NWD2: variants seen among roughly 807,000 people sequenced by gnomAD.
The protein encoded by NWD2 is NACHT and WD repeat domain containing 2.
NWD2 carries 37 observed loss-of-function variants against 132.7 expected under a neutral mutation model. The ratio of observed to expected loss-of-function variants is 0.28; its 90% CI spans 0.21 to 0.37. The LOEUF (loss-of-function observed/expected upper bound fraction) is 0.37. Ranked by LOEUF, NWD2 falls within the 10% of genes least tolerant of loss-of-function variation. The pLI, the probability that NWD2 is intolerant of heterozygous loss-of-function variation, is 1.00. For synonymous variants in NWD2, 705 were observed against 803.0 expected (o/e 0.88, Z 2.06); for missense variants, 1,592 against 2,122.4 (o/e 0.75, Z 4.91).
chr4:37,303,545 T>C (rs1325006192), intron 1 of NWD2, among the ~76,000 whole-genome samples: 2 of 152,156 alleles, frequency 1.3e-5, no homozygotes, highest in Non-Finnish European at 2.9e-5. Flanking sequence ...TTAGGTAGTA[T>C]AGTAATTTTG....
intron 1 of NWD2, among the ~76,000 whole-genome samples, chr4:37,258,799 C>T (rs572732291): frequency 6.6e-6 from 1 of 152,340 alleles, no homozygotes; most frequent in South Asian, 2.1e-4. Context: ...ATTTGAAACT[C>T]ATTCTCTGTC....
chr4:37,335,311 G>A lies in NWD2; in HGVS notation c.240+9287G>A, dbSNP rs1311537350. ...GACTGGGGGGTGGGCGGGGGGGGGG[G>A]GCTTAAATTGCCTCCCAGGCAAATG... On this transcript the variant is annotated intron_variant, in intron 2 of 6. Transcript: ENST00000309447. Among the ~76,000 whole-genome samples, 17 of 120,548 alleles carry A rather than the reference G, an allele frequency of 1.4e-4. 1 individual carries two copies. In the Admixed American group the frequency reaches 1.5e-3, roughly 11 times the overall value. 79.1% of individuals were successfully genotyped at this position (120,548 alleles called of 152,430 possible).
chr4:37,304,742 G>C (rs1656227), intron 1 of NWD2, among the ~76,000 whole-genome samples: 11,012 of 152,218 alleles, frequency 0.072, 1,226 homozygotes, highest in African/African-American at 0.23. Flanking sequence ...TTGGGCAGTT[G>C]CACCGCTGTG....
chr4:37,384,841 C>A (rs1176978438), intron 3 of NWD2, among the ~76,000 whole-genome samples: 1 of 152,154 alleles, frequency 6.6e-6, no homozygotes, highest in Admixed American at 6.5e-5. Flanking sequence ...ATAAAAATAG[C>A]CATTCATCTG....
At chr4:37,386,972 T>C (rs997459283) in intron 3 of NWD2, among the ~76,000 whole-genome samples, 24 of 152,224 alleles carry the variant, frequency 1.6e-4, no homozygotes, top group Admixed American at 1.6e-3. Context: ...ATGCTTCTTG[T>C]ACAGCCTGCA....
At chr4:37,299,841 T>C (rs1718577348) in intron 1 of NWD2, among the ~76,000 whole-genome samples, 1 of 152,168 alleles carries the variant, frequency 6.6e-6, no homozygotes, top group African/African-American at 2.4e-5. Context: ...TCTGTATATA[T>C]GCTTTCTTTT....
intron 3 of NWD2, among the ~76,000 whole-genome samples, chr4:37,382,285 G>A (rs1426160071): frequency 6.6e-6 from 1 of 152,188 alleles, no homozygotes; most frequent in African/African-American, 2.4e-5. Context: ...CAGTGGGTCT[G>A]CGCCTGCACA....
At chr4:37,323,486 T>A (rs561702596) in intron 1 of NWD2, among the ~76,000 whole-genome samples, 10 of 152,030 alleles carry the variant, frequency 6.6e-5, no homozygotes, top group African/African-American at 2.4e-4. Context: ...AAAACCACAA[T>A]GAGATACATT....
chr4:37,422,955 GCTCA>G (rs1414450105), intron 3 of NWD2, among the ~76,000 whole-genome samples: 1 of 151,336 alleles, frequency 6.6e-6, no homozygotes, highest in Non-Finnish European at 1.5e-5. Context: ...TGAAACACAG[GCTCA>G]CTGTGTACAC....
Position 37,443,683 on chromosome 4 carries a change from C to A in NWD2, c.1695C>A (p.Asn565Lys). The A allele has an allele frequency of 6.4e-7, 1 of 1,552,116 alleles. No individual in the cohort carries two copies. The highest frequency in any genetic ancestry group is 1.4e-5 in the African/African-American group (1 of 73,126). Residue 565 changes from asparagine to lysine, a missense_variant, in exon 7 of 7, where the codon AAC becomes AAA. This residue lies in a region of NWD2 where 1,071 missense variants were observed against 1,398.0 expected (regional missense o/e 0.77). Transcript: ENST00000309447. The surrounding 1 kb of genome is among the most constrained non-coding windows in gnomAD (Gnocchi z 4.1). ...KLRCLIHEED[N>K]YIELIPRDRK... ...GGTGCCTTATCCATGAAGAAGACAA[C>A]TACATCGAGCTGATTCCCCGAGACA...
intron 1 of NWD2, among the ~76,000 whole-genome samples, chr4:37,311,944 T>G (rs1406763144): frequency 6.6e-6 from 1 of 151,506 alleles, no homozygotes; most frequent in Non-Finnish European, 1.5e-5. Context: ...GTTGTAGATA[T>G]GCGGCGTTAT....
intron 3 of NWD2, among the ~76,000 whole-genome samples, chr4:37,372,868 GA>G (rs1044187039): frequency 2.0e-5 from 3 of 152,158 alleles, no homozygotes; most frequent in African/African-American, 7.2e-5. Context: ...TCCTTGGGGA[GA>G]AAGTAAATTA....
intron 1 of NWD2, among the ~76,000 whole-genome samples, chr4:37,286,507 T>A (rs1388068267): frequency 6.6e-6 from 1 of 152,242 alleles, no homozygotes; most frequent in African/African-American, 2.4e-5. Context: ...CATTTAAATA[T>A]GCATGTGCAA....
intron 1 of NWD2, among the ~76,000 whole-genome samples, chr4:37,325,313 C>A (rs1385269611): frequency 6.6e-6 from 1 of 152,094 alleles, no homozygotes; most frequent in Non-Finnish European, 1.5e-5. Flanking sequence ...AAAATAGTTT[C>A]TATCTCTGAT....
chr4:37,323,412 A>G (rs192405619), intron 1 of NWD2, among the ~76,000 whole-genome samples: 120 of 152,344 alleles, frequency 7.9e-4, no homozygotes, highest in Non-Finnish European at 1.2e-3. Context: ...AAAAGAAGAC[A>G]TGCAAGTGGC....
At chr4:37,268,123 T>C (rs1320580502) in intron 1 of NWD2, among the ~76,000 whole-genome samples, 1 of 151,928 alleles carries the variant, frequency 6.6e-6, no homozygotes, top group Non-Finnish European at 1.5e-5. Context: ...TGGGATAAAG[T>C]CTGAACTCAA....
chr4:37,399,806 A>G (rs184549060), intron 3 of NWD2, among the ~76,000 whole-genome samples: 1 of 152,292 alleles, frequency 6.6e-6, no homozygotes, highest in Admixed American at 6.5e-5. Context: ...TGGCATCTAT[A>G]TCACCTAGGA....
chr4:37,413,621 G>A (rs943235471), intron 3 of NWD2, among the ~76,000 whole-genome samples: 2 of 152,142 alleles, frequency 1.3e-5, no homozygotes, highest in African/African-American at 4.8e-5. Context: ...CCATTACTGG[G>A]TATATACCCA....
chr4:37,426,212 A>T (rs1016430042), intron 3 of NWD2, among the ~76,000 whole-genome samples: 1 of 152,228 alleles, frequency 6.6e-6, no homozygotes, highest in Non-Finnish European at 1.5e-5. Flanking sequence ...CTGTTTCTCA[A>T]ATAGCAAGAT....
Sources: gnomAD v4.1 joint callset for allele counts (sites outside exome capture counted in the v4.1 genomes callset) on GRCh38, gnomAD v4.1.1 for gene constraint, gnomAD v4.1.1 regional missense constraint, Gnocchi (gnomAD v3.1) non-coding constraint, MANE v1.5 for transcripts, NCBI Gene and HGNC (gene_info 2026-07-23, HGNC 2026-07-21) for gene names.